The following PRKCE variants were observed in gnomAD, a reference collection of about 807,000 sequenced individuals.
The protein encoded by PRKCE is protein kinase C epsilon.
A neutral mutation model predicts 85.4 loss-of-function variants in PRKCE; 16 were observed. The ratio of observed to expected loss-of-function variants is 0.19; its 90% CI spans 0.13 to 0.28. The LOEUF (loss-of-function observed/expected upper bound fraction) is 0.28, where lower values mean the gene tolerates loss of function less well. Among genes scored for constraint, PRKCE ranks in the 10% least tolerant of loss-of-function variants. PRKCE has a pLI of 1.00. For synonymous variants in PRKCE, 388 were observed against 371.5 expected, an observed-to-expected ratio of 1.04 and a Z score of -0.51; for missense variants, 573 against 975.2, an observed-to-expected ratio of 0.59 and a Z score of 5.49.
At position 46,001,356 on chromosome 2, in the gene PRKCE, T is replaced by C; in HGVS notation, c.824-48T>C. ...ACAATCTCAAAGAAAAGAAGCAACA[T>C]CTTAGGCCATGAACACTTATCTGTC... On this transcript the variant is annotated intron_variant, in intron 6 of 14. Transcript: ENST00000306156. The surrounding 1 kb of genome is among the most constrained non-coding windows in gnomAD (Gnocchi z 4.4). The C allele has an allele frequency of 1.3e-6, 2 of 1,552,524 alleles. No homozygotes were observed. The highest frequency in any genetic ancestry group is 1.7e-6 in the Non-Finnish European group (2 of 1,148,306).
At chr2:46,094,514 A>G (rs552586721) in intron 11 of PRKCE, among the ~76,000 whole-genome samples, 29 of 152,224 alleles carry the variant, frequency 1.9e-4, no homozygotes, top group Admixed American at 2.0e-4. Flanking sequence ...ATCCTCAGCA[A>G]ACTAACACAG....
chr2:45,927,207 G>A (rs1375136207), intron 2 of PRKCE, among the ~76,000 whole-genome samples: 1 of 152,082 alleles, frequency 6.6e-6, no homozygotes, highest in Non-Finnish European at 1.5e-5. Flanking sequence ...AGTGTGCATG[G>A]GGGGGGTGTT....
At chr2:45,682,974 G>A (rs1441057818) in intron 1 of PRKCE, among the ~76,000 whole-genome samples, 1 of 152,156 alleles carries the variant, frequency 6.6e-6, no homozygotes, top group Non-Finnish European at 1.5e-5. Context: ...TAGTTGTAAA[G>A]TCACCTCAGT....
intron 1 of PRKCE, among the ~76,000 whole-genome samples, chr2:45,819,265 T>G (rs1028499014): frequency 3.9e-5 from 6 of 152,206 alleles, no homozygotes; most frequent in African/African-American, 1.4e-4. Flanking sequence ...CAAGGAATAA[T>G]GGGTTTGCCC....
chr2:46,036,933 C>T (rs532603655), intron 10 of PRKCE, among the ~76,000 whole-genome samples: 1 of 152,278 alleles, frequency 6.6e-6, no homozygotes, highest in African/African-American at 2.4e-5. Context: ...CTGGCTGTCC[C>T]CCATCCTCTT....
intron 10 of PRKCE, among the ~76,000 whole-genome samples, chr2:46,011,744 A>G (rs763377316): frequency 2.6e-5 from 4 of 152,076 alleles, no homozygotes; most frequent in Non-Finnish European, 4.4e-5. Context: ...AACTTATTTG[A>G]TCCCAGGGTC....
At position 45,740,187 on chromosome 2, in the gene PRKCE, G is replaced by C. The variant is rs1682438530; in HGVS notation, c.348+87739G>C. Among the ~76,000 whole-genome samples, 5 of 150,406 alleles carry C rather than the reference G, an allele frequency of 3.3e-5. No homozygotes were observed. The South Asian group carries it at 1.0e-3, about 31-fold the overall frequency. On this transcript the variant is annotated intron_variant, in intron 1 of 14. Transcript: ENST00000306156. ...GACTTATTCACTGGAAAATGAACAA[G>C]TTGTCCCTGAACTGAGTAAACCAGT... is the stretch of plus-strand genomic sequence containing the variant.
At chr2:45,820,200 C>T (rs985526510) in intron 1 of PRKCE, among the ~76,000 whole-genome samples, 2 of 152,112 alleles carry the variant, frequency 1.3e-5, no homozygotes, top group Non-Finnish European at 2.9e-5. Context: ...GTTTATTAAG[C>T]ACCTTTTAAG....
intron 10 of PRKCE, among the ~76,000 whole-genome samples, chr2:46,023,954 C>T (rs1053395894): frequency 6.6e-6 from 1 of 152,172 alleles, no homozygotes; most frequent in South Asian, 2.1e-4. Flanking sequence ...TTAATTTAAT[C>T]GTCACATCAA....
intron 10 of PRKCE, among the ~76,000 whole-genome samples, chr2:46,059,256 C>T (rs1574358650): frequency 6.6e-6 from 1 of 151,940 alleles, no homozygotes. Flanking sequence ...CCGTTGCACT[C>T]CAGCCTGGAT....
At chr2:45,935,873 G>T (rs1284797337) in intron 2 of PRKCE, among the ~76,000 whole-genome samples, 1 of 152,184 alleles carries the variant, frequency 6.6e-6, no homozygotes, top group Non-Finnish European at 1.5e-5. Flanking sequence ...TGCTGTGTCT[G>T]TGTGCACCTG....
chr2:45,958,224 A>C (rs967685243), intron 2 of PRKCE, among the ~76,000 whole-genome samples: 3 of 148,616 alleles, frequency 2.0e-5, no homozygotes, highest in Non-Finnish European at 4.5e-5. Flanking sequence ...GAAAAAGAAA[A>C]TTGGGCCAGG....
At chr2:46,142,953 T>G (rs1037855781) in intron 11 of PRKCE, among the ~76,000 whole-genome samples, 9 of 152,242 alleles carry the variant, frequency 5.9e-5, no homozygotes, top group African/African-American at 1.9e-4. Context: ...TTTGGGGTAT[T>G]TTATAAAGTT....
intron 2 of PRKCE, among the ~76,000 whole-genome samples, chr2:45,925,324 T>TC (rs34295493): frequency 0.5 from 76,194 of 151,646 alleles, 19,370 homozygotes; most frequent in South Asian, 0.62. Flanking sequence ...TTTGAGACAG[T>TC]TTGCTCTTGT....
At chr2:45,989,719 A>G (rs979400702) in intron 6 of PRKCE, among the ~76,000 whole-genome samples, 14 of 152,122 alleles carry the variant, frequency 9.2e-5, no homozygotes, top group African/African-American at 3.1e-4. Context: ...AATTTTCAAC[A>G]TTTCTGAAAA....
rs188513507 is a variant in PRKCE at position 46,032,414 on chromosome 2, G to A, written c.1437+21897G>A. 1.1e-4 allele frequency among the ~76,000 whole-genome samples: 16 copies of A among 152,270 alleles called. No homozygotes were observed. The East Asian group carries it at 1.5e-3, about 15-fold the overall frequency. ...CACCCAGCTTCCGCCTGGGAAAACC[G>A]CCATCCCTCTCTTAAAATGGGCACG... On this transcript the variant is annotated intron_variant, in intron 10 of 14. Transcript: ENST00000306156.
intron 1 of PRKCE, among the ~76,000 whole-genome samples, chr2:45,784,446 G>T (rs1319876717): frequency 6.6e-6 from 1 of 152,200 alleles, no homozygotes; most frequent in Non-Finnish European, 1.5e-5. Context: ...GGATTTGCCG[G>T]AGAAACTTTG....
chr2:45,709,649 T>C (rs1679436635), intron 1 of PRKCE, among the ~76,000 whole-genome samples: 1 of 152,232 alleles, frequency 6.6e-6, no homozygotes, highest in African/African-American at 2.4e-5. Context: ...GCACTTTGAC[T>C]TTCCCTGTGA....
At chr2:46,088,293 A>C (rs1421181268) in intron 11 of PRKCE, among the ~76,000 whole-genome samples, 1 of 152,058 alleles carries the variant, frequency 6.6e-6, no homozygotes, top group African/African-American at 2.4e-5. Flanking sequence ...CTCACCTGCC[A>C]ATTTCCAACT....
Sources: allele counts gnomAD v4.1 joint callset (sites outside exome capture counted in the v4.1 genomes callset), GRCh38; gene constraint gnomAD v4.1.1; non-coding constraint Gnocchi (gnomAD v3.1); transcripts MANE v1.5; gene names NCBI Gene and HGNC (gene_info 2026-07-23, HGNC 2026-07-21).